The following TFB2M variants were observed in gnomAD, a reference collection of about 807,000 sequenced individuals.
TFB2M encodes the protein dimethyladenosine transferase 2, mitochondrial.
A neutral mutation model predicts 41.3 loss-of-function variants in TFB2M; 44 were observed. That is an observed-to-expected ratio of 1.07 (90% CI 0.84 to 1.37). The LOEUF is 1.37. Among genes scored for constraint, TFB2M ranks in the 40% most tolerant of loss-of-function variants. The probability of loss-of-function intolerance (pLI) is 0.00; values close to 1 mark genes in which losing one functional copy is unlikely to be tolerated. For missense variants in TFB2M, 496 were observed against 490.2 expected, an observed-to-expected ratio of 1.01 and a Z score of -0.11; for synonymous variants, 188 against 176.8, an observed-to-expected ratio of 1.06 and a Z score of -0.50.
At position 246,566,067 on chromosome 1, in the gene TFB2M, G is replaced by A; in HGVS notation, c.72C>T (p.Cys24=). The change falls in exon 1 of 8, where the codon TGC becomes TGT. Residue 24 remains cysteine (C), a synonymous_variant. Transcript: ENST00000366514. ...GCGTCGCCGCTTCAGACCCTAAAAT[G>A]CAAAAGCGACCAGCGCCCGCCAAGG... ...LSALAGAGRF[C]ILGSEAATRK... is the part of the protein sequence containing the mutation. The A allele has an allele frequency of 6.2e-7, 1 of 1,610,644 alleles. No individual in the cohort carries two copies. The highest frequency in any genetic ancestry group is 2.2e-5 in the East Asian group (1 of 44,734).
At chr1:246,544,384 C>A in intron 7 of TFB2M, 137 bp downstream of exon 7, 3 of 778,930 alleles carry the variant, frequency 3.9e-6, no homozygotes, top group South Asian at 1.9e-5. Context: ...CCAGGGAGAA[C>A]AAATTATTTT....
rs185559510 is a variant in TFB2M at position 246,554,281 on chromosome 1, G to A, written c.705+2292C>T. Among the ~76,000 whole-genome samples, 130 of 152,256 alleles carry A rather than the reference G, an allele frequency of 8.5e-4. 1 individual carries two copies. The highest frequency in any genetic ancestry group is 1.4e-3 in the Admixed American group (22 of 15,290). ...GATTTGGCAATGATCTATTAGCTACGACACAGGTCCCCAATCCCCGGGCCA... is the reference window on the plus strand; with the variant it reads ...GATTTGGCAATGATCTATTAGCTACAACACAGGTCCCCAATCCCCGGGCCA... On this transcript the variant is annotated intron_variant, in intron 4 of 7. Transcript: ENST00000366514.
intron 6 of TFB2M, among the ~76,000 whole-genome samples, chr1:246,546,983 A>ACATT (rs764498048): frequency 7.9e-6 from 1 of 127,180 alleles, no homozygotes; most frequent in South Asian, 2.4e-4. Context: ...ACACACACAC[A>ACATT]TTTTTTTTTT....
intron 4 of TFB2M, among the ~76,000 whole-genome samples, chr1:246,555,298 T>TA (rs1659291306): frequency 6.6e-6 from 1 of 152,062 alleles, no homozygotes; most frequent in Non-Finnish European, 1.5e-5. Context: ...CTCAAAAAAC[T>TA]AAAAATAGAC....
At position 246,540,809 on chromosome 1, in the gene TFB2M, C is replaced by A; in HGVS notation, c.*222G>T. 2 of 420,416 alleles carry A rather than the reference C, an allele frequency of 4.8e-6. No individual in the cohort carries two copies. Among genetic ancestry groups the A allele is most frequent in the Admixed American group, 4.2e-5 (1 of 23,850 alleles). 26.0% of individuals were successfully genotyped at this position (420,416 alleles called of 1,614,324 possible). ...AAAACGAATTCAATCTGATCAAATC[C>A]ACAATTAATTGAAGTTTTCATTTTA... On this transcript the variant is annotated 3_prime_UTR_variant, in exon 8 of 8. Transcript: ENST00000366514.
intron 2 of TFB2M, among the ~76,000 whole-genome samples, chr1:246,562,553 A>G (rs1439817441): frequency 6.6e-6 from 1 of 152,224 alleles, no homozygotes; most frequent in Admixed American, 6.5e-5. Flanking sequence ...ACAGGCTTGC[A>G]GTGAAAATGC....
Position 246,541,083 on chromosome 1 carries a change from G to C in TFB2M, c.1139C>G (p.Ser380Cys), listed in dbSNP as rs773858604. ...FKTLFETIER[S>C]KDCAYKWLYD... ...CAGCCATTTATAAGCACAATCTTTG[G>C]AACGCTCTATAGTTTCAAAAAGTGT... is the stretch of plus-strand genomic sequence containing the variant. The change falls in exon 8 of 8, where the codon TCC (serine) becomes TGC (cysteine). Residue 380 changes from serine to cysteine, a missense_variant. Transcript: ENST00000366514. 1.9e-6 allele frequency: 3 copies of C among 1,613,390 alleles called. No individual in the cohort carries two copies. The highest frequency in any genetic ancestry group is 2.5e-6 in the Non-Finnish European group (3 of 1,179,638).
chr1:246,565,394 C>G (rs1246620973), intron 1 of TFB2M, among the ~76,000 whole-genome samples: 1 of 152,204 alleles, frequency 6.6e-6, no homozygotes, highest in African/African-American at 2.4e-5. Context: ...AGTGGGCAAT[C>G]TCTCCAACTA....
Position 246,556,662 on chromosome 1 carries a change from T to G in TFB2M, c.616A>C (p.Lys206Gln). Residue 206 changes from lysine to glutamine, a missense_variant, in exon 4 of 8, where the codon AAA (lysine) becomes CAA (glutamine). Lys to Gln is a moderately conservative substitution (Grantham distance 53). Coordinates refer to ENST00000366514, the MANE Select transcript of TFB2M (RefSeq NM_022366.3). ...CAGGAATACAAGTCATATGCGAGTT[T>G]CCAAAGTGCCCTTTTCTCACCTCTA... Reference protein sequence around the residue: ...PSRGEKRALWKLAYDLYSCTS... With the variant: ...PSRGEKRALWQLAYDLYSCTS... 1 of 1,584,220 alleles carries G rather than the reference T, an allele frequency of 6.3e-7. No homozygotes were observed. The highest frequency in any genetic ancestry group is 8.5e-7 in the Non-Finnish European group (1 of 1,170,702).
intron 4 of TFB2M, 126 bp downstream of exon 4, chr1:246,556,447 C>A (rs551490772): frequency 6.7e-6 from 5 of 744,250 alleles, no homozygotes; most frequent in African/African-American, 1.8e-5. Context: ...GACTGCTCTG[C>A]AGAATTTAAA....
intron 6 of TFB2M, among the ~76,000 whole-genome samples, chr1:246,546,325 A>G (rs1334737936): frequency 6.6e-6 from 1 of 151,748 alleles, no homozygotes; most frequent in Non-Finnish European, 1.5e-5. Context: ...AAAAAGAAAA[A>G]AAAATAGGCT....
intron 2 of TFB2M, among the ~76,000 whole-genome samples, chr1:246,561,046 T>C (rs1659443937): frequency 6.6e-6 from 1 of 152,212 alleles, no homozygotes; most frequent in South Asian, 2.1e-4. Flanking sequence ...AAACTTTAGG[T>C]GGCCAGAAGC....
chr1:246,541,143 T>C lies in TFB2M; in HGVS notation c.1079A>G (p.Glu360Gly). The C allele has an allele frequency of 6.2e-7, 1 of 1,614,154 alleles. No homozygotes were observed. Among genetic ancestry groups the C allele is most frequent in the Non-Finnish European group, 8.5e-7 (1 of 1,179,994 alleles). ...TTGAGGGTGCATGTTAACTACTTTCTCATCCTCCTGTTTTCCTATTTGCAT... is the reference window on the plus strand; with the variant it reads ...TTGAGGGTGCATGTTAACTACTTTCCCATCCTCCTGTTTTCCTATTTGCAT... ...ILMQIGKQED[E>G]KVVNMHPQDF... The change falls in exon 8 of 8, where the codon GAG becomes GGG. Residue 360 changes from glutamate (E) to glycine (G), a missense_variant. Coordinates refer to ENST00000366514, the MANE Select transcript of TFB2M (RefSeq NM_022366.3).
At chr1:246,557,298 C>A in intron 3 of TFB2M, 83 bp downstream of exon 3, 1 of 1,457,656 alleles carries the variant, frequency 6.9e-7, no homozygotes. Context: ...AAATAAAACA[C>A]AAATTTCATC....
Position 246,544,508 on chromosome 1 carries a change from T to G in TFB2M, c.1019+13A>C. The G allele has an allele frequency of 6.3e-7, 1 of 1,579,408 alleles. No individual in the cohort carries two copies. Among genetic ancestry groups the G allele is most frequent in the Non-Finnish European group, 8.5e-7 (1 of 1,170,336 alleles). On this transcript the variant is annotated intron_variant, in intron 7 of 7. Transcript: ENST00000366514. ...GTTGCTACTTTATACTTGCTTTTAT[T>G]CTTTTTACTCACCGTAAGTGGTCTA...
chr1:246,562,017 T>C (rs1558515144), intron 2 of TFB2M, among the ~76,000 whole-genome samples: 1 of 152,180 alleles, frequency 6.6e-6, no homozygotes, highest in Non-Finnish European at 1.5e-5. Context: ...CAATTATGTG[T>C]TTTTTCTTCA....
In TFB2M at chr1:246,541,858, C is replaced by A. The variant is rs550825464; in HGVS notation, c.1020-656G>T. On this transcript the variant is annotated intron_variant, in intron 7 of 7. Transcript: ENST00000366514. ...AATCATTTTTCACATTTTGATGTAA[C>A]CATCATTGGTAAATACATTATAAAG... 9.9e-5 allele frequency among the ~76,000 whole-genome samples: 15 copies of A among 152,174 alleles called. No homozygotes were observed. The South Asian group carries it at 2.9e-3, about 29-fold the overall frequency.
intron 4 of TFB2M, among the ~76,000 whole-genome samples, chr1:246,556,269 G>C (rs1250595108): frequency 6.6e-6 from 1 of 152,182 alleles, no homozygotes; most frequent in Non-Finnish European, 1.5e-5. Flanking sequence ...GTAGAATAAT[G>C]ATTACTAGGG....
intron 2 of TFB2M, among the ~76,000 whole-genome samples, chr1:246,557,743 G>C (rs1659363371): frequency 6.6e-6 from 1 of 152,106 alleles, no homozygotes; most frequent in Non-Finnish European, 1.5e-5. Flanking sequence ...CGCCATCTCG[G>C]CTCACTGCAA....
Sources: allele counts gnomAD v4.1 joint callset (sites outside exome capture counted in the v4.1 genomes callset), GRCh38; gene constraint gnomAD v4.1.1; transcripts MANE v1.5; gene names NCBI Gene and HGNC (gene_info 2026-07-23, HGNC 2026-07-21).